Variants in SDK1 observed in about 807,000 individuals in gnomAD.
SDK1 encodes protein sidekick-1.
SDK1 carries 157 observed loss-of-function variants against 245.5 expected under a neutral mutation model. The observed-to-expected ratio is 0.64, with a 90% CI of 0.56 to 0.73. The LOEUF (loss-of-function observed/expected upper bound fraction) is 0.73, where lower values mean the gene tolerates loss of function less well. SDK1 is among the 30% of genes least tolerant of loss of function. SDK1 has a pLI of 0.00. For missense variants in SDK1, 3,583 were observed against 3,002.3 expected (o/e 1.19, Z -4.52); for synonymous variants, 1,647 against 1,278.5 (o/e 1.29, Z -6.15).
At chr7:3,914,132 T>G (rs1365055160) in intron 5 of SDK1, among the ~76,000 whole-genome samples, 1 of 152,230 alleles carries the variant, frequency 6.6e-6, no homozygotes, top group African/African-American at 2.4e-5. Flanking sequence ...ATTTGCAGCT[T>G]TTCCTCATAT....
At chr7:4,099,311 C>T (rs1055829878) in intron 22 of SDK1, among the ~76,000 whole-genome samples, 10 of 150,310 alleles carry the variant, frequency 6.7e-5, no homozygotes, top group African/African-American at 2.0e-4. Context: ...CTGACAGATC[C>T]CAAGGGGAGG....
chr7:3,482,367 G>T lies in SDK1; in HGVS notation c.299-136713G>T, dbSNP rs1781546518. Among the ~76,000 whole-genome samples, 4 of 152,162 alleles carry T rather than the reference G, an allele frequency of 2.6e-5. No individual in the cohort carries two copies. The South Asian group carries it at 8.3e-4, about 32-fold the overall frequency. On this transcript the variant is annotated intron_variant, in intron 1 of 44. Transcript: ENST00000404826. The stretch of plus-strand genomic sequence containing the variant: ...CTTCACCGTCTTTCTGAACTCAAGG[G>T]CCGGGAGTGTCTGCTTTGATGGCTG...
chr7:4,034,099 A>G (rs551160805), intron 17 of SDK1, among the ~76,000 whole-genome samples: 106 of 152,346 alleles, frequency 7.0e-4, no homozygotes, highest in African/African-American at 2.5e-3. Context: ...CCTCTGTGCT[A>G]TTCGTGCCTA....
At chr7:4,030,484 C>T (rs1354398177) in intron 17 of SDK1, among the ~76,000 whole-genome samples, 1 of 152,148 alleles carries the variant, frequency 6.6e-6, no homozygotes, top group East Asian at 1.9e-4. Context: ...AGGTCGCAGG[C>T]TTGGGTGAGG....
At chr7:4,153,375 C>T (rs1780515005) in intron 30 of SDK1, among the ~76,000 whole-genome samples, 1 of 151,932 alleles carries the variant, frequency 6.6e-6, no homozygotes. Context: ...CACCTGAGGT[C>T]AGGAGATCGA....
intron 5 of SDK1, among the ~76,000 whole-genome samples, chr7:3,902,358 C>G (rs375613524): frequency 6.6e-6 from 1 of 152,196 alleles, no homozygotes; most frequent in African/African-American, 2.4e-5. Flanking sequence ...TATTTACCCA[C>G]TTATTCAATC....
At chr7:3,524,595 C>A (rs1290749956) in intron 1 of SDK1, among the ~76,000 whole-genome samples, 1 of 152,094 alleles carries the variant, frequency 6.6e-6, no homozygotes, top group Admixed American at 6.6e-5. Flanking sequence ...AGAGAAAGAA[C>A]AGACAAAGGA....
chr7:3,356,858 C>T (rs956778543), intron 1 of SDK1, among the ~76,000 whole-genome samples: 1 of 151,888 alleles, frequency 6.6e-6, no homozygotes, highest in Non-Finnish European at 1.5e-5. Flanking sequence ...GAGTTCAAGA[C>T]CAGCCTGACC....
chr7:4,130,588 G>A (rs1288975205), intron 27 of SDK1: 1 of 153,142 alleles, frequency 6.5e-6, no homozygotes, highest in African/African-American at 2.4e-5. Context: ...TGCATTGTGG[G>A]AGGTAATTAG....
At chr7:3,395,276 A>G (rs189072129) in intron 1 of SDK1, among the ~76,000 whole-genome samples, 2 of 151,952 alleles carry the variant, frequency 1.3e-5, no homozygotes, top group East Asian at 3.9e-4. Flanking sequence ...CATTACTTTA[A>G]TTGATTTTTA....
chr7:4,238,758 G>C (rs896777083), intron 42 of SDK1, among the ~76,000 whole-genome samples: 4 of 151,564 alleles, frequency 2.6e-5, no homozygotes, highest in African/African-American at 7.3e-5. Context: ...ATGTTGGTCA[G>C]GCTGGTCTCG....
In SDK1 at chr7:3,301,871, G is replaced by A. The variant is rs1583654344; in HGVS notation, c.285G>A (p.Arg95=). The part of the protein sequence containing the change: ...ALLALQLHLL[R]ALAQDDVAPY... ...TGGCGCTGCAGCTGCACTTGCTCCG[G>A]GCGCTGGCGCAAGGTAGGTGCGCGC... The change falls in exon 1 of 45, where the codon CGG becomes CGA. Residue 95 remains arginine, a synonymous_variant. Coordinates refer to ENST00000404826, the MANE Select transcript of SDK1 (RefSeq NM_152744.4). The A allele has an allele frequency of 1.8e-6, 2 of 1,137,248 alleles. No individual in the cohort carries two copies. Among genetic ancestry groups the A allele is most frequent in the Admixed American group, 4.9e-5 (1 of 20,406 alleles). 70.4% of individuals were successfully genotyped at this position (1,137,248 alleles called of 1,614,324 possible).
chr7:3,486,423 G>A (rs28484810), intron 1 of SDK1, among the ~76,000 whole-genome samples: 28,233 of 151,678 alleles, frequency 0.19, 3,117 homozygotes, highest in South Asian at 0.29. Context: ...CTTTTTTTAT[G>A]TCTAATAATT....
At chr7:4,080,154 G>C (rs894581492) in intron 22 of SDK1, among the ~76,000 whole-genome samples, 1 of 152,140 alleles carries the variant, frequency 6.6e-6, no homozygotes, top group Non-Finnish European at 1.5e-5. Context: ...GTGCTGGAGG[G>C]AGGGGAGCAA....
chr7:4,110,072 C>A (rs1378024258), intron 22 of SDK1, among the ~76,000 whole-genome samples: 1 of 152,126 alleles, frequency 6.6e-6, no homozygotes, highest in Non-Finnish European at 1.5e-5. Flanking sequence ...GAGGCAGTTT[C>A]TTTAAATCTT....
chr7:3,749,241 A>G (rs964253696), intron 4 of SDK1, among the ~76,000 whole-genome samples: 16 of 152,080 alleles, frequency 1.1e-4, no homozygotes, highest in Admixed American at 3.3e-4. Context: ...GTTTCAAGCA[A>G]TTCTCCTGCC....
chr7:4,261,084 C>G (rs924761399), intron 44 of SDK1, among the ~76,000 whole-genome samples: 16 of 152,148 alleles, frequency 1.1e-4, no homozygotes, highest in Admixed American at 9.8e-4. Context: ...AGATTTTCAG[C>G]CTGTGTCCCC....
At chr7:3,727,691 A>T (rs907352049) in intron 4 of SDK1, among the ~76,000 whole-genome samples, 2 of 151,970 alleles carry the variant, frequency 1.3e-5, no homozygotes, top group Non-Finnish European at 2.9e-5. Context: ...GGGTTTCACC[A>T]TGTTGGCCGG....
chr7:3,580,942 C>T (rs1230095975), intron 1 of SDK1, among the ~76,000 whole-genome samples: 7 of 116,680 alleles, frequency 6.0e-5, no homozygotes, highest in African/African-American at 2.3e-4. Context: ...ACATTCCAGC[C>T]TAGGTTATAG....
Sources: gnomAD v4.1 joint callset for allele counts (sites outside exome capture counted in the v4.1 genomes callset) on GRCh38, gnomAD v4.1.1 for gene constraint, MANE v1.5 for transcripts, NCBI Gene and HGNC (gene_info 2026-07-23, HGNC 2026-07-21) for gene names.